Variants in ATXN10 observed in about 807,000 individuals in gnomAD.
ATXN10 encodes ataxin 10, also known as ataxin-10.
A neutral mutation model predicts 52.9 loss-of-function variants in ATXN10; 28 were observed. The observed-to-expected ratio is 0.53, with a 90% CI of 0.39 to 0.73. ATXN10 has a LOEUF of 0.73. Among genes scored for constraint, ATXN10 ranks in the 30% least tolerant of loss-of-function variants. The pLI is 0.00. For missense variants in ATXN10, 565 were observed against 577.0 expected (o/e 0.98, Z 0.21); for synonymous variants, 226 against 221.5 (o/e 1.02, Z -0.18).
chr22:45,723,601 C>G (rs1924748520), intron 6 of ATXN10, among the ~76,000 whole-genome samples: 1 of 152,164 alleles, frequency 6.6e-6, no homozygotes, highest in African/African-American at 2.4e-5. Context: ...TAGCTTAACT[C>G]CCACTTGTAA....
At chr22:45,791,472 T>C (rs1263625097) in intron 9 of ATXN10, among the ~76,000 whole-genome samples, 1 of 152,174 alleles carries the variant, frequency 6.6e-6, no homozygotes, top group African/African-American at 2.4e-5. Flanking sequence ...AAAAAAGTTC[T>C]CTAGTTTTCT....
At chr22:45,680,297 G>A (rs1374149818) in intron 1 of ATXN10, among the ~76,000 whole-genome samples, 1 of 152,140 alleles carries the variant, frequency 6.6e-6, no homozygotes, top group Non-Finnish European at 1.5e-5. Flanking sequence ...CATCATCAAT[G>A]AGAATATTAT....
Position 45,718,736 on chromosome 22 carries a change from C to T in ATXN10, c.728+243C>T, listed in dbSNP as rs1319445614. 6.6e-6 allele frequency among the ~76,000 whole-genome samples: 1 copy of T among 152,118 alleles called. No individual in the cohort carries two copies. The highest frequency in any genetic ancestry group is 1.5e-5 in the Non-Finnish European group (1 of 68,024). The stretch of plus-strand genomic sequence containing the variant: ...TTCAGTAAATGCATATTAAGAAAAA[C>T]ATTAAGAACAAAATATTATGCATAT... On this transcript the variant is annotated intron_variant, in intron 6 of 11. Coordinates refer to ENST00000252934, the MANE Select transcript of ATXN10 (RefSeq NM_013236.4). This position sits in a 1 kb window ranked among gnomAD's most constrained non-coding sequence, Gnocchi z 4.4.
At chr22:45,706,317 A>T (rs1924040607) in intron 5 of ATXN10, among the ~76,000 whole-genome samples, 1 of 152,076 alleles carries the variant, frequency 6.6e-6, no homozygotes, top group African/African-American at 2.4e-5. Flanking sequence ...CTATAGCTAA[A>T]GGTTTGTTAG....
chr22:45,823,271 T>G lies in ATXN10; in HGVS notation c.1237+16249T>G, dbSNP rs1928712838. The G allele has an allele frequency of 2.2e-6, 1 of 463,662 alleles. No individual in the cohort carries two copies. Among genetic ancestry groups the G allele is most frequent in the African/African-American group, 2.0e-5 (1 of 49,500 alleles). The allele number at this position is 463,662 out of a possible 1,614,324, so 28.7% of individuals were successfully genotyped here. On this transcript the variant is annotated intron_variant, in intron 10 of 11. Transcript: ENST00000252934. This position sits in a 1 kb window ranked among gnomAD's most constrained non-coding sequence, Gnocchi z 4.9. Reference sequence around the variant, plus strand: ...AATGAATAAAAATTCCCAATTTTAATGTAAAATTTATCAGTCTTTCCTTCT... The same window carrying G: ...AATGAATAAAAATTCCCAATTTTAAGGTAAAATTTATCAGTCTTTCCTTCT...
chr22:45,829,454 A>G (rs1440013434), intron 10 of ATXN10, among the ~76,000 whole-genome samples: 2 of 152,208 alleles, frequency 1.3e-5, no homozygotes, highest in Non-Finnish European at 2.9e-5. Context: ...CACAGATTAT[A>G]TGATCTATGG....
intron 9 of ATXN10, among the ~76,000 whole-genome samples, chr22:45,794,162 A>G (rs1221970369): frequency 1.3e-5 from 2 of 152,120 alleles, no homozygotes; most frequent in African/African-American, 2.4e-5. Context: ...CTTATAGAAA[A>G]TGGCTTCCAC....
rs183618315 is a variant in ATXN10 at position 45,789,326 on chromosome 22, C to T, written c.1174-17633C>T. Among the ~76,000 whole-genome samples the T allele has an allele frequency of 2.3e-3, 357 of 152,318 alleles. 3 individuals carry two copies. Among genetic ancestry groups the T allele is most frequent in the Non-Finnish European group, 4.3e-3 (292 of 68,030 alleles). ...CGTATCTGTTGGTTATATTTGGACC[C>T]TGCAAGGGTGGAAGGTGAGCTTTTG... On this transcript the variant is annotated intron_variant, in intron 9 of 11. Coordinates refer to ENST00000252934, the MANE Select transcript of ATXN10 (RefSeq NM_013236.4). This position sits in a 1 kb window ranked among gnomAD's most constrained non-coding sequence, Gnocchi z 4.0.
intron 10 of ATXN10, among the ~76,000 whole-genome samples, chr22:45,815,774 A>G (rs898115440): frequency 6.6e-6 from 1 of 152,110 alleles, no homozygotes; most frequent in African/African-American, 2.4e-5. Flanking sequence ...CTCTCACTCC[A>G]AGGCTTTGGT....
Position 45,696,626 on chromosome 22 carries a change from A to G in ATXN10, c.391+3548A>G, listed in dbSNP as rs549110052. On this transcript the variant is annotated intron_variant, in intron 3 of 11. Coordinates refer to ENST00000252934, the MANE Select transcript of ATXN10 (RefSeq NM_013236.4). This position sits in a 1 kb window ranked among gnomAD's most constrained non-coding sequence, Gnocchi z 4.7. The stretch of plus-strand genomic sequence containing the variant: ...TCCTCTTTACTCCATCATTTTCATC[A>G]GCAAGTAATATGCCCTCCCATTTTT... Among the ~76,000 whole-genome samples, 7 of 152,312 alleles carry G rather than the reference A, an allele frequency of 4.6e-5. No homozygotes were observed. Among genetic ancestry groups the G allele is most frequent in the Admixed American group, 6.5e-5 (1 of 15,290 alleles).
At chr22:45,748,256 C>A (rs1925814448) in intron 9 of ATXN10, among the ~76,000 whole-genome samples, 1 of 152,094 alleles carries the variant, frequency 6.6e-6, no homozygotes, top group Non-Finnish European at 1.5e-5. Flanking sequence ...TCTTACCCTC[C>A]CTACCAGTCC....
intron 9 of ATXN10, among the ~76,000 whole-genome samples, chr22:45,796,793 C>G (rs995528017): frequency 1.3e-5 from 2 of 152,166 alleles, no homozygotes; most frequent in Non-Finnish European, 2.9e-5. Context: ...GCCACTGTGC[C>G]TGGCCTATAC....
In ATXN10 at chr22:45,841,063, G is replaced by A. The variant is rs145516478; in HGVS notation, c.1238-1928G>A. Among the ~76,000 whole-genome samples, 4 of 151,992 alleles carry A rather than the reference G, an allele frequency of 2.6e-5. No individual in the cohort carries two copies. The highest frequency in any genetic ancestry group is 3.9e-4 in the East Asian group (2 of 5,180). The stretch of plus-strand genomic sequence containing the variant: ...TTGGAAGTGCTTGATACCGGGGCTC[G>A]TTATCTTTATTCTCTATACTGGCAC... On this transcript the variant is annotated intron_variant, in intron 10 of 11. Transcript: ENST00000252934. The surrounding 1 kb of genome is among the most constrained non-coding windows in gnomAD (Gnocchi z 5.1).
intron 9 of ATXN10, among the ~76,000 whole-genome samples, chr22:45,796,623 G>A (rs528420286): frequency 2.6e-5 from 4 of 152,184 alleles, no homozygotes; most frequent in Admixed American, 2.0e-4. Context: ...CAGACCGGCC[G>A]ACACTTAAGG....
At position 45,843,911 on chromosome 22, in the gene ATXN10, A is replaced by G; in HGVS notation, c.*240A>G. 5.3e-6 allele frequency: 3 copies of G among 571,000 alleles called. No individual in the cohort carries two copies. The highest frequency in any genetic ancestry group is 9.4e-6 in the Non-Finnish European group (3 of 320,662). The allele number at this position is 571,000 out of a possible 1,614,324, so 35.4% of individuals were successfully genotyped here. ...CTTTGTCCCCCTGGATAGAACGTGC[A>G]TTTAAAGAATATATTGTACTTACTG... On this transcript the variant is annotated 3_prime_UTR_variant, in exon 12 of 12. Coordinates refer to ENST00000252934, the MANE Select transcript of ATXN10 (RefSeq NM_013236.4). The surrounding 1 kb of genome is among the most constrained non-coding windows in gnomAD (Gnocchi z 4.5).
intron 6 of ATXN10, among the ~76,000 whole-genome samples, chr22:45,720,621 A>G (rs150303363): frequency 4.6e-5 from 7 of 152,326 alleles, no homozygotes; most frequent in African/African-American, 1.7e-4. Flanking sequence ...CCCATTAACA[A>G]TAAACTACAA....
At chr22:45,815,969 G>T (rs1196030498) in intron 10 of ATXN10, among the ~76,000 whole-genome samples, 1 of 152,150 alleles carries the variant, frequency 6.6e-6, no homozygotes, top group Non-Finnish European at 1.5e-5. Flanking sequence ...TCACTGTCTG[G>T]CCAGGCGCGG....
Position 45,728,005 on chromosome 22 carries a change from G to T in ATXN10, c.729-1420G>T, listed in dbSNP as rs1924946747. ...GTTTTAGGTGAGTCTCTTGAAGACAGCAGGTATTTGGTTTGTGATTTTTTT... is the reference window on the plus strand; with the variant it reads ...GTTTTAGGTGAGTCTCTTGAAGACATCAGGTATTTGGTTTGTGATTTTTTT... On this transcript the variant is annotated intron_variant, in intron 6 of 11. Transcript: ENST00000252934. The surrounding 1 kb of genome is among the most constrained non-coding windows in gnomAD (Gnocchi z 4.3). 6.6e-6 allele frequency among the ~76,000 whole-genome samples: 1 copy of T among 152,008 alleles called. No homozygotes were observed. The highest frequency in any genetic ancestry group is 6.6e-5 in the Admixed American group (1 of 15,254).
At chr22:45,836,017 G>A (rs1378917915) in intron 10 of ATXN10, among the ~76,000 whole-genome samples, 3 of 152,120 alleles carry the variant, frequency 2.0e-5, no homozygotes, top group Non-Finnish European at 2.9e-5. Flanking sequence ...ATGTTCTGTC[G>A]TATTAAAATA....
Sources: allele counts gnomAD v4.1 joint callset (sites outside exome capture counted in the v4.1 genomes callset), GRCh38; gene constraint gnomAD v4.1.1; non-coding constraint Gnocchi (gnomAD v3.1); transcripts MANE v1.5; gene names NCBI Gene and HGNC (gene_info 2026-07-23, HGNC 2026-07-21).